Variants in ACYP2 observed in about 807,000 individuals in gnomAD.
The protein encoded by ACYP2 is acylphosphatase 2.
ACYP2 carries 12 observed loss-of-function variants against 11.2 expected under a neutral mutation model. The ratio of observed to expected loss-of-function variants is 1.08; its 90% confidence interval spans 0.69 to 1.74. The LOEUF is 1.74. Among genes scored for constraint, ACYP2 ranks in the 40% most tolerant of loss-of-function variants. The probability of loss-of-function intolerance (pLI) is 0.00; values close to 1 mark genes in which losing one functional copy is unlikely to be tolerated. For synonymous variants in ACYP2, 43 were observed against 32.2 expected (o/e 1.33, Z -1.13); for missense variants, 134 against 101.9 (o/e 1.31, Z -1.35).
In ACYP2 at chr2:54,122,667, G is replaced by C. The variant is rs371996233; in HGVS notation, c.278-12786G>C. Among the ~76,000 whole-genome samples, 6 of 152,284 alleles carry C rather than the reference G, an allele frequency of 3.9e-5. No individual in the cohort carries two copies. The South Asian group carries it at 1.2e-3, about 32-fold the overall frequency. On this transcript the variant is annotated intron_variant, in intron 4 of 6. Transcript: ENST00000607452. ...TAGATATCTATCTGTTGTGCAGTAT[G>C]CTTCATACTAGGAATCAGGACTCTC... is the stretch of plus-strand genomic sequence containing the variant.
chr2:54,136,130 C>G (rs1052803414), intron 5 of ACYP2, among the ~76,000 whole-genome samples: 1 of 152,144 alleles, frequency 6.6e-6, no homozygotes, highest in Non-Finnish European at 1.5e-5. Context: ...AACTTCTAGC[C>G]TTAAGTGATC....
chr2:54,032,573 T>C (rs1191660331), intron 2 of ACYP2, among the ~76,000 whole-genome samples: 1 of 152,258 alleles, frequency 6.6e-6, no homozygotes, highest in African/African-American at 2.4e-5. Context: ...GCCTCCAGCT[T>C]TGTTCCTTTT....
chr2:54,018,452 C>T (rs1467112968), intron 2 of ACYP2, among the ~76,000 whole-genome samples: 1 of 151,864 alleles, frequency 6.6e-6, no homozygotes, highest in African/African-American at 2.4e-5. Context: ...ACAGTGTGAA[C>T]ATTGTAGTAA....
intron 2 of ACYP2, among the ~76,000 whole-genome samples, chr2:54,005,982 A>AG (rs1325353232): frequency 1.3e-5 from 2 of 151,786 alleles, no homozygotes; most frequent in Non-Finnish European, 2.9e-5. Flanking sequence ...TCTTTAAAAA[A>AG]CATATAGGCC....
chr2:54,003,775 T>C (rs527499688), intron 2 of ACYP2, among the ~76,000 whole-genome samples: 2 of 152,216 alleles, frequency 1.3e-5, no homozygotes, highest in Non-Finnish European at 2.9e-5. Flanking sequence ...TGCTGGATTG[T>C]ATGGTAAGAG....
At chr2:54,036,495 A>G (rs971504941) in intron 2 of ACYP2, among the ~76,000 whole-genome samples, 7 of 152,128 alleles carry the variant, frequency 4.6e-5, no homozygotes, top group Non-Finnish European at 8.8e-5. Flanking sequence ...ACTTCCATAT[A>G]TTTGATTATC....
In ACYP2 at chr2:54,058,127, T is replaced by G. The variant is rs1368753892; in HGVS notation, c.277+767T>G. The stretch of plus-strand genomic sequence containing the variant: ...GTCTCTTCCTAAATTTAGTAAATAT[T>G]GGGTCTTTGAAGATAATTCACATTA... On this transcript the variant is annotated intron_variant, in intron 4 of 6. Coordinates refer to ENST00000607452, the MANE Select transcript of ACYP2 (RefSeq NM_001320586.2). Among the ~76,000 whole-genome samples the G allele has an allele frequency of 2.0e-5, 3 of 152,120 alleles. No homozygotes were observed. The East Asian group carries it at 5.8e-4, about 29-fold the overall frequency.
intron 4 of ACYP2, among the ~76,000 whole-genome samples, chr2:54,068,103 T>C (rs1027440549): frequency 3.3e-5 from 5 of 152,208 alleles, no homozygotes; most frequent in African/African-American, 1.2e-4. Flanking sequence ...CTAGATCTGA[T>C]ATTTCTGTGT....
rs1671090617 is a variant in ACYP2 at position 53,971,318 on chromosome 2, C to G, written c.-40C>G. ...TCCCAGTCGCCACGACAGGCGGCAG[C>G]CAGGTCGGCCTGGTCCCCCTAGCCG... On this transcript the variant is annotated 5_prime_UTR_variant, in exon 1 of 7. Coordinates refer to ENST00000607452, the MANE Select transcript of ACYP2 (RefSeq NM_001320586.2). 6.5e-6 allele frequency: 1 copy of G among 152,752 alleles called. No individual in the cohort carries two copies. The highest frequency in any genetic ancestry group is 1.5e-5 in the Non-Finnish European group (1 of 68,432). The allele number at this position is 152,752 out of a possible 1,614,324, so 9.5% of individuals were successfully genotyped here. A position where few individuals can be genotyped will look rare whatever the true frequency, so the allele number is the denominator to read the frequency against.
At chr2:54,045,372 G>A (rs1675459952) in intron 2 of ACYP2, among the ~76,000 whole-genome samples, 1 of 152,182 alleles carries the variant, frequency 6.6e-6, no homozygotes, top group Non-Finnish European at 1.5e-5. Flanking sequence ...AAACCCTCCT[G>A]TCTCAGTGTA....
intron 6 of ACYP2, among the ~76,000 whole-genome samples, chr2:54,186,481 A>G (rs977463155): frequency 6.6e-6 from 1 of 152,148 alleles, no homozygotes; most frequent in Non-Finnish European, 1.5e-5. Context: ...CAGATATTAG[A>G]TTTATATATA....
rs1671071816 is a variant in ACYP2 at position 53,971,131 on chromosome 2, C to T, written c.-227C>T. The stretch of plus-strand genomic sequence containing the variant: ...AGGCGGTGGTGGCGGCAGCTGGAGC[C>T]CAACGGGCTGCGCCTTCTTCGCCGT... On this transcript the variant is annotated 5_prime_UTR_variant, in exon 1 of 7. Transcript: ENST00000607452. 9.2e-6 allele frequency: 2 copies of T among 217,898 alleles called. No homozygotes were observed. Among genetic ancestry groups the T allele is most frequent in the East Asian group, 1.0e-4 (1 of 10,020 alleles). 13.5% of individuals were successfully genotyped at this position (217,898 alleles called of 1,614,324 possible).
chr2:54,115,898 G>A (rs1190784994), intron 4 of ACYP2, 142 bp downstream of exon 1: 5 of 1,147,990 alleles, frequency 4.4e-6, no homozygotes, highest in Middle Eastern at 2.4e-4. Flanking sequence ...CAGCGGCGGC[G>A]GGGAGGGAGG....
intron 6 of ACYP2, among the ~76,000 whole-genome samples, chr2:54,209,909 G>A (rs985003639): frequency 3.9e-5 from 6 of 152,130 alleles, no homozygotes; most frequent in Admixed American, 2.6e-4. Flanking sequence ...GGGAGGCTGA[G>A]GCTGGCGGAT....
chr2:54,166,684 G>T (rs1682988701), intron 6 of ACYP2, among the ~76,000 whole-genome samples: 1 of 152,148 alleles, frequency 6.6e-6, no homozygotes, highest in Non-Finnish European at 1.5e-5. Flanking sequence ...TGCCAAGATG[G>T]TTAGGCTACC....
At chr2:54,069,019 T>G (rs1293741198) in intron 4 of ACYP2, among the ~76,000 whole-genome samples, 1 of 152,126 alleles carries the variant, frequency 6.6e-6, no homozygotes, top group African/African-American at 2.4e-5. Flanking sequence ...TTCAAGCTCC[T>G]AGGCTCAAGC....
At position 54,051,683 on chromosome 2, in the gene ACYP2, C is replaced by T. The variant is rs1052582720; in HGVS notation, c.155+633C>T. The T allele has an allele frequency of 9.6e-4, 638 of 667,816 alleles. 6 individuals carry two copies. Among genetic ancestry groups the T allele is most frequent in the Admixed American group, 5.8e-4 (28 of 48,122 alleles). The allele number at this position is 667,816 out of a possible 1,614,324, so 41.4% of individuals were successfully genotyped here. A position where few individuals can be genotyped will look rare whatever the true frequency, so the allele number is the denominator to read the frequency against. ...GGAAAAATATGAAAGGATATTGCTG[C>T]ATATTGAGCTAAAGGAAAGCCTGAT... On this transcript the variant is annotated intron_variant, in intron 3 of 6. Coordinates refer to ENST00000607452, the MANE Select transcript of ACYP2 (RefSeq NM_001320586.2).
chr2:54,063,476 T>G (rs76318551), intron 4 of ACYP2, among the ~76,000 whole-genome samples: 4,397 of 152,312 alleles, frequency 0.029, 147 homozygotes, highest in South Asian at 0.13. Context: ...ACAAGCAACC[T>G]GTCCCTCTGG....
At chr2:54,179,150 A>G (rs1683598481) in intron 6 of ACYP2, among the ~76,000 whole-genome samples, 1 of 151,366 alleles carries the variant, frequency 6.6e-6, no homozygotes, top group African/African-American at 2.4e-5. Flanking sequence ...TATTAAATGA[A>G]GTTTTTTGAG....
Sources: gnomAD v4.1 joint callset for allele counts (sites outside exome capture counted in the v4.1 genomes callset) on GRCh38, gnomAD v4.1.1 for gene constraint, MANE v1.5 for transcripts, NCBI Gene and HGNC (gene_info 2026-07-23, HGNC 2026-07-21) for gene names.